Variants in OR10J1 observed in about 807,000 individuals in gnomAD.
OR10J1 encodes the protein olfactory receptor family 10 subfamily J member 1.
For missense variants in OR10J1, 474 were observed against 376.6 expected (o/e 1.26, Z -2.14); for synonymous variants, 202 against 143.8 (o/e 1.40, Z -2.89).
chr1:159,438,241 T>C (rs994569800), upstream of OR10J1, among the ~76,000 whole-genome samples: 1 of 152,210 alleles, frequency 6.6e-6, no homozygotes, highest in African/African-American at 2.4e-5. Context: ...TAGCCATTCT[T>C]CTACCTCAAG....
rs1442202058 is a variant in OR10J1 at position 159,440,664 on chromosome 1, G to A, written c.873G>A (p.Leu291=). The A allele has an allele frequency of 6.2e-7, 1 of 1,613,838 alleles. No homozygotes were observed. The highest frequency in any genetic ancestry group is 1.3e-5 in the African/African-American group (1 of 74,898). Reference sequence around the variant, plus strand: ...TACTGAACCCTGTGGTATACACCCTGAGAAATAAAGAGGTCAAAGATGCTC... The same window carrying A: ...TACTGAACCCTGTGGTATACACCCTAAGAAATAAAGAGGTCAAAGATGCTC... ...TPLLNPVVYT[L]RNKEVKDALC... Residue 291 remains leucine (L), a synonymous_variant, in exon 1 of 1, where the codon CTG becomes CTA. Coordinates refer to ENST00000423932, the MANE Select transcript of OR10J1 (RefSeq NM_012351.3).
upstream of OR10J1, chr1:159,438,136 G>A (rs1466194405): frequency 6.6e-6 from 1 of 152,172 alleles, no homozygotes; most frequent in African/African-American, 2.4e-5. Context: ...TATCACAGCT[G>A]GACAGGTCTT....
At chr1:159,398,860 G>T in the OR10J1 span, among the ~76,000 whole-genome samples, 1 of 152,116 alleles carries the variant, frequency 6.6e-6, no homozygotes, top group African/African-American at 2.4e-5. Context: ...AGAGGTAGGG[G>T]TAGAATGTTT....
chr1:159,402,311 G>A, the OR10J1 span, among the ~76,000 whole-genome samples: 1 of 151,980 alleles, frequency 6.6e-6, no homozygotes, highest in South Asian at 2.1e-4. Flanking sequence ...AAAGGAAAAA[G>A]CCAAAGTATC....
At chr1:159,428,414 T>C in the OR10J1 span, among the ~76,000 whole-genome samples, 1 of 152,206 alleles carries the variant, frequency 6.6e-6, no homozygotes, top group Non-Finnish European at 1.5e-5. Context: ...AATTTCAGTA[T>C]CGGGTTTCCT....
chr1:159,406,298 GCTGT>G, the OR10J1 span: 1 of 515,896 alleles, frequency 1.9e-6, no homozygotes, highest in Non-Finnish European at 4.0e-6. Context: ...ACAAATCTGT[GCTGT>G]CACCTGAAGC....
At chr1:159,431,202 A>T in the OR10J1 span, among the ~76,000 whole-genome samples, 587 of 152,320 alleles carry the variant, frequency 3.9e-3, 5 homozygotes, top group African/African-American at 0.013. Context: ...GTTCTAGGTC[A>T]GCACACTGGA....
At chr1:159,414,571 C>G in the OR10J1 span, among the ~76,000 whole-genome samples, 1 of 150,818 alleles carries the variant, frequency 6.6e-6, no homozygotes, top group African/African-American at 2.4e-5. Context: ...GATATCTCTT[C>G]AATATATTGA....
chr1:159,401,028 T>G, the OR10J1 span, among the ~76,000 whole-genome samples: 3 of 151,714 alleles, frequency 2.0e-5, no homozygotes, highest in South Asian at 2.1e-4. Flanking sequence ...AGTGGGTCAA[T>G]GAAATATTGA....
chr1:159,438,638 A>G (rs1185608100), upstream of OR10J1, among the ~76,000 whole-genome samples: 1 of 152,234 alleles, frequency 6.6e-6, no homozygotes, highest in Non-Finnish European at 1.5e-5. Context: ...ACAGCTGGTC[A>G]TCAACTTCTT....
At chr1:159,427,171 T>C in the OR10J1 span, among the ~76,000 whole-genome samples, 1 of 151,770 alleles carries the variant, frequency 6.6e-6, no homozygotes, top group African/African-American at 2.4e-5. Context: ...ACAAAAAGAC[T>C]ACAAAACTAA....
the OR10J1 span, among the ~76,000 whole-genome samples, chr1:159,430,640 G>GGGGGGT: frequency 1.4e-3 from 202 of 140,932 alleles, 1 homozygote; most frequent in African/African-American, 5.3e-3. Context: ...AAAAAATTAT[G>GGGGGGT]GTGTGTGTGT....
In OR10J1 at chr1:159,439,806, C is replaced by A. The variant is rs1258002720; in HGVS notation, c.15C>A (p.Asn5Lys). ...GGAACCAATCCATGAAAAGAGAGAACTTTACTCTCATCACTGACTTTGTTT... is the reference window on the plus strand; with the variant it reads ...GGAACCAATCCATGAAAAGAGAGAAATTTACTCTCATCACTGACTTTGTTT... MKRE[N>K]FTLITDFVFQ... The change falls in exon 1 of 1, where the codon AAC becomes AAA. Residue 5 changes from asparagine to lysine, a missense_variant. Asn to Lys is a moderately conservative substitution (Grantham distance 94). Coordinates refer to ENST00000423932, the MANE Select transcript of OR10J1 (RefSeq NM_012351.3). 1.2e-6 allele frequency: 2 copies of A among 1,613,956 alleles called. No homozygotes were observed. The highest frequency in any genetic ancestry group is 1.7e-5 in the Admixed American group (1 of 60,016).
chr1:159,399,100 T>C, the OR10J1 span, among the ~76,000 whole-genome samples: 1 of 151,814 alleles, frequency 6.6e-6, no homozygotes, highest in East Asian at 1.9e-4. Context: ...GACTTCTCAG[T>C]GGAAACATTA....
At chr1:159,403,695 G>T in the OR10J1 span, among the ~76,000 whole-genome samples, 1 of 152,114 alleles carries the variant, frequency 6.6e-6, no homozygotes. Context: ...CCATTATGGA[G>T]AACTTTTTGG....
the OR10J1 span, among the ~76,000 whole-genome samples, chr1:159,418,992 C>A: frequency 6.6e-6 from 1 of 152,146 alleles, no homozygotes; most frequent in Admixed American, 6.5e-5. Flanking sequence ...TTCATTTTGG[C>A]CAATTTATCC....
the OR10J1 span, among the ~76,000 whole-genome samples, chr1:159,402,329 G>T: frequency 5.5e-4 from 84 of 152,148 alleles, no homozygotes; most frequent in Middle Eastern, 0.014. Flanking sequence ...ATCCCTCTTT[G>T]CAGATGCTAT....
chr1:159,439,567 A>G (rs540760887), upstream of OR10J1, among the ~76,000 whole-genome samples: 7 of 152,296 alleles, frequency 4.6e-5, no homozygotes, highest in South Asian at 1.0e-3. Flanking sequence ...GTGAGACTAT[A>G]TGATTCTATG....
the OR10J1 span, among the ~76,000 whole-genome samples, chr1:159,411,813 C>T: frequency 6.6e-6 from 1 of 151,832 alleles, no homozygotes; most frequent in Non-Finnish European, 1.5e-5. Flanking sequence ...TTACATTCAA[C>T]ATAGTGTTGG....
Sources: allele counts gnomAD v4.1 joint callset (sites outside exome capture counted in the v4.1 genomes callset), GRCh38; gene constraint gnomAD v4.1.1; transcripts MANE v1.5; gene names NCBI Gene and HGNC (gene_info 2026-07-23, HGNC 2026-07-21).